The following ZNRF2 variants were observed in gnomAD, a reference collection of about 807,000 sequenced individuals.
ZNRF2 encodes the protein zinc and ring finger 2, also known as E3 ubiquitin-protein ligase ZNRF2.
Under a neutral mutation model 20.4 loss-of-function variants are expected in ZNRF2, and 16 were observed. The ratio of observed to expected loss-of-function variants is 0.79; its 90% CI spans 0.53 to 1.19. ZNRF2 has a LOEUF of 1.19. Among genes scored for constraint, ZNRF2 ranks in the 50% most tolerant of loss-of-function variants. The pLI, the probability that ZNRF2 is intolerant of heterozygous loss-of-function variation, is 0.00. For synonymous variants in ZNRF2, 178 were observed against 144.9 expected (o/e 1.23, Z -1.64); for missense variants, 363 against 332.4 (o/e 1.09, Z -0.72).
In ZNRF2 at chr7:30,350,379, A is replaced by G. The variant is rs115579726; in HGVS notation, c.566-5349A>G. Among the ~76,000 whole-genome samples the G allele has an allele frequency of 6.4e-3, 969 of 152,170 alleles. 14 individuals carry two copies. Among genetic ancestry groups the G allele is most frequent in the African/African-American group, 0.022 (898 of 41,560 alleles). On this transcript the variant is annotated intron_variant, in intron 2 of 4. Coordinates refer to ENST00000323037, the MANE Select transcript of ZNRF2 (RefSeq NM_147128.4). ...GTTTCTAACAGTGCAGATGAAGAGT[A>G]GCTACATGTTTAACGATCAATTCTT...
At chr7:30,365,881 G>C (rs1038822484) in intron 4 of ZNRF2, among the ~76,000 whole-genome samples, 154 bp from the exon 5 acceptor site, 3 of 152,080 alleles carry the variant, frequency 2.0e-5, no homozygotes, top group Non-Finnish European at 4.4e-5. Flanking sequence ...ACTTTGTTAT[G>C]TATTTTTTGT....
chr7:30,335,783 A>G (rs1415578111), intron 2 of ZNRF2, among the ~76,000 whole-genome samples: 1 of 152,182 alleles, frequency 6.6e-6, no homozygotes, highest in Non-Finnish European at 1.5e-5. Context: ...TGGAATATTT[A>G]TCTTATATTA....
At chr7:30,358,765 A>C (rs1359387959) in intron 3 of ZNRF2, among the ~76,000 whole-genome samples, 1 of 152,216 alleles carries the variant, frequency 6.6e-6, no homozygotes, top group Non-Finnish European at 1.5e-5. Flanking sequence ...ACAGCATAGC[A>C]TGAGAGTTAA....
Position 30,285,512 on chromosome 7 carries a change from A to G in ZNRF2, c.155A>G (p.Gln52Arg). Residue 52 changes from glutamine to arginine, a missense_variant, in exon 1 of 5, where the codon CAG (glutamine) becomes CGG (arginine). By Grantham distance (43) the Gln-to-Arg change is conservative. Transcript: ENST00000323037. ...RAAAAGRFPA[Q>R]VPSAHQPSAS... ...GCCGCCGCGGGGAGGTTCCCGGCTC[A>G]GGTGCCCAGCGCGCACCAGCCCAGC... 7.7e-6 allele frequency: 8 copies of G among 1,034,178 alleles called. No individual in the cohort carries two copies. Among genetic ancestry groups the G allele is most frequent in the Non-Finnish European group, 8.1e-6 (7 of 865,502 alleles). The allele number at this position is 1,034,178 out of a possible 1,614,324, so 64.1% of individuals were successfully genotyped here. A position where few individuals can be genotyped will look rare whatever the true frequency, so the allele number is the denominator to read the frequency against.
At chr7:30,365,436 G>A (rs192218052) in intron 4 of ZNRF2, among the ~76,000 whole-genome samples, 32 of 152,214 alleles carry the variant, frequency 2.1e-4, no homozygotes, top group Admixed American at 1.6e-3. Flanking sequence ...TTAATCAGGT[G>A]TCTACAGAAA....
At chr7:30,320,237 TATAC>T (rs1278496909) in intron 1 of ZNRF2, among the ~76,000 whole-genome samples, 3 of 151,530 alleles carry the variant, frequency 2.0e-5, no homozygotes, top group African/African-American at 7.3e-5. Context: ...TCTTTCTATA[TATAC>T]ATAGAGAAAT....
chr7:30,339,504 G>C (rs1799763351), intron 2 of ZNRF2, among the ~76,000 whole-genome samples: 1 of 151,450 alleles, frequency 6.6e-6, no homozygotes, highest in Admixed American at 6.6e-5. Flanking sequence ...AGTTTTCCCA[G>C]CATCATTAAA....
chr7:30,319,179 GC>G (rs1234395231), intron 1 of ZNRF2, among the ~76,000 whole-genome samples: 2 of 151,814 alleles, frequency 1.3e-5, no homozygotes, highest in Non-Finnish European at 2.9e-5. Flanking sequence ...TTACCCTGTT[GC>G]CCGGGCTGTA....
At chr7:30,365,372 G>A (rs1028628966) in intron 4 of ZNRF2, among the ~76,000 whole-genome samples, 3 of 151,712 alleles carry the variant, frequency 2.0e-5, no homozygotes, top group Admixed American at 6.6e-5. Flanking sequence ...GTTTGTTTTC[G>A]AATATAGAAC....
At chr7:30,349,843 T>C (rs570809202) in intron 2 of ZNRF2, among the ~76,000 whole-genome samples, 1 of 152,104 alleles carries the variant, frequency 6.6e-6, no homozygotes, top group South Asian at 2.1e-4. Flanking sequence ...AATAGTTCCA[T>C]TTTTTTTCTT....
At chr7:30,287,559 G>A (rs1290043515) in intron 1 of ZNRF2, among the ~76,000 whole-genome samples, 3 of 152,200 alleles carry the variant, frequency 2.0e-5, no homozygotes, top group Non-Finnish European at 4.4e-5. Flanking sequence ...AGAGACAGTT[G>A]AGCCCCATGC....
chr7:30,334,101 T>G (rs1799681104), intron 2 of ZNRF2, among the ~76,000 whole-genome samples: 1 of 152,172 alleles, frequency 6.6e-6, no homozygotes, highest in African/African-American at 2.4e-5. Flanking sequence ...TTCCTAGTTT[T>G]TTTCCTAGGA....
At chr7:30,320,390 G>A (rs1484044887) in intron 1 of ZNRF2, among the ~76,000 whole-genome samples, 2 of 152,138 alleles carry the variant, frequency 1.3e-5, no homozygotes, top group Non-Finnish European at 2.9e-5. Context: ...CTGTGGTTAA[G>A]TAAATATGTA....
rs1201745411 is a variant in ZNRF2, at chr7:30,285,035, C to G, written c.-323C>G. 7.4e-6 allele frequency: 3 copies of G among 406,308 alleles called. No homozygotes were observed. The highest frequency in any genetic ancestry group is 5.0e-5 in the South Asian group (3 of 59,932). 25.2% of individuals were successfully genotyped at this position (406,308 alleles called of 1,614,324 possible). ...AGCGGCCCGTCGTGGCGCACCAGAA[C>G]CGAAACCAGCGGCAGCCGCACGGCC... On this transcript the variant is annotated 5_prime_UTR_variant, in exon 1 of 5. Coordinates refer to ENST00000323037, the MANE Select transcript of ZNRF2 (RefSeq NM_147128.4).
At chr7:30,352,791 T>C (rs1363661261) in intron 2 of ZNRF2, among the ~76,000 whole-genome samples, 1 of 152,110 alleles carries the variant, frequency 6.6e-6, no homozygotes. Context: ...TCATAAATGT[T>C]TTCAACTGAT....
intron 2 of ZNRF2, among the ~76,000 whole-genome samples, chr7:30,329,321 A>G (rs1218414023): frequency 1.3e-5 from 2 of 152,166 alleles, no homozygotes; most frequent in Non-Finnish European, 2.9e-5. Context: ...AGTTATTTTG[A>G]AATACACAAT....
intron 1 of ZNRF2, among the ~76,000 whole-genome samples, chr7:30,300,590 G>C (rs1799098997): frequency 6.6e-6 from 1 of 152,142 alleles, no homozygotes; most frequent in South Asian, 2.1e-4. Context: ...AGCAGTTTTT[G>C]GATGATATTA....
At chr7:30,316,336 A>G (rs73685999) in intron 1 of ZNRF2, among the ~76,000 whole-genome samples, 4,023 of 146,718 alleles carry the variant, frequency 0.027, 129 homozygotes, top group African/African-American at 0.068. Context: ...GTCATAAACC[A>G]GTAGATAGTA....
At chr7:30,323,794 AT>A in intron 2 of ZNRF2, 57 bp downstream of exon 2, 3 of 1,155,198 alleles carry the variant, frequency 2.6e-6, no homozygotes, top group Non-Finnish European at 3.6e-6. Context: ...CATTTTATGA[AT>A]TTCATGTTTC....
Sources: gnomAD v4.1 joint callset for allele counts (sites outside exome capture counted in the v4.1 genomes callset) on GRCh38, gnomAD v4.1.1 for gene constraint, MANE v1.5 for transcripts, NCBI Gene and HGNC (gene_info 2026-07-23, HGNC 2026-07-21) for gene names.